The following GALNT7 variants were observed in gnomAD, a reference collection of about 807,000 sequenced individuals.
The protein encoded by GALNT7 is polypeptide N-acetylgalactosaminyltransferase 7.
A neutral mutation model predicts 82.1 loss-of-function variants in GALNT7; 60 were observed. The observed-to-expected ratio is 0.73, with a 90% CI of 0.59 to 0.91. The LOEUF is 0.91. Ranked by LOEUF, GALNT7 falls within the 40% of genes least tolerant of loss-of-function variation. GALNT7 has a pLI of 0.00. For missense variants in GALNT7, 660 were observed against 804.2 expected, an observed-to-expected ratio of 0.82 and a Z score of 2.17; for synonymous variants, 243 against 275.1, an observed-to-expected ratio of 0.88 and a Z score of 1.15.
chr4:173,226,960 A>G (rs11734195), intron 1 of GALNT7, among the ~76,000 whole-genome samples: 1 of 152,186 alleles, frequency 6.6e-6, no homozygotes, highest in Non-Finnish European at 1.5e-5. Context: ...GTTGAAACTC[A>G]GTACCCAGCA....
intron 1 of GALNT7, among the ~76,000 whole-genome samples, chr4:173,178,259 T>G (rs1383234238): frequency 6.6e-6 from 1 of 152,086 alleles, no homozygotes; most frequent in Non-Finnish European, 1.5e-5. Flanking sequence ...GAGGCAATTT[T>G]TAGTTTTTAG....
At chr4:173,231,245 G>A (rs1050171485) in intron 1 of GALNT7, among the ~76,000 whole-genome samples, 1 of 152,188 alleles carries the variant, frequency 6.6e-6, no homozygotes. Context: ...ATTGTGCAGT[G>A]TAAGAATTGG....
In GALNT7 at chr4:173,302,067, G is replaced by T; in HGVS notation, c.1169G>T (p.Gly390Val). 6.4e-7 allele frequency: 1 copy of T among 1,570,702 alleles called. No homozygotes were observed. Among genetic ancestry groups the T allele is most frequent in the South Asian group, 1.1e-5 (1 of 90,184 alleles). The change falls in exon 7 of 12, where the codon GGA becomes GTA. Residue 390 changes from glycine to valine, a missense_variant. Physicochemically the swap from Gly to Val is moderately radical, Grantham distance 109. Transcript: ENST00000265000. This position sits in a 1 kb window ranked among gnomAD's most constrained non-coding sequence, Gnocchi z 4.2. Reference sequence around the variant, plus strand: ...CTTAGGTCCCCAGCCATGGCTGGGGGATTATTTGCCATTGAACGAGAGTTC... The same window carrying T: ...CTTAGGTCCCCAGCCATGGCTGGGGTATTATTTGCCATTGAACGAGAGTTC... ...EPYRSPAMAG[G>V]LFAIEREFFF...
intron 1 of GALNT7, among the ~76,000 whole-genome samples, chr4:173,211,670 A>G (rs1418395526): frequency 6.6e-6 from 1 of 152,138 alleles, no homozygotes; most frequent in Admixed American, 6.5e-5. Flanking sequence ...GCACGTGTGC[A>G]CACACACACA....
At chr4:173,259,454 C>T (rs1168899516) in intron 2 of GALNT7, among the ~76,000 whole-genome samples, 1 of 150,726 alleles carries the variant, frequency 6.6e-6, no homozygotes, top group African/African-American at 2.4e-5. Context: ...TAACAAATAC[C>T]GGGAGTGGAG....
intron 2 of GALNT7, among the ~76,000 whole-genome samples, chr4:173,280,045 C>G (rs1187008066): frequency 6.6e-6 from 1 of 151,910 alleles, no homozygotes; most frequent in Non-Finnish European, 1.5e-5. Context: ...GTTTCCTATG[C>G]CTAAAGAATC....
At chr4:173,189,094 G>A (rs1732543732) in intron 1 of GALNT7, among the ~76,000 whole-genome samples, 1 of 152,186 alleles carries the variant, frequency 6.6e-6, no homozygotes, top group South Asian at 2.1e-4. Context: ...AGGTGCTCAT[G>A]TGATCATCTT....
intron 2 of GALNT7, among the ~76,000 whole-genome samples, chr4:173,284,049 CAA>C (rs1359711499): frequency 6.6e-6 from 1 of 152,180 alleles, no homozygotes; most frequent in East Asian, 1.9e-4. Context: ...AAAAACAAAA[CAA>C]GAATTAGCAG....
intron 1 of GALNT7, among the ~76,000 whole-genome samples, chr4:173,218,451 A>G (rs1733539147): frequency 7.9e-6 from 1 of 125,962 alleles, no homozygotes; most frequent in Non-Finnish European, 1.8e-5. Context: ...CTTACCTAAA[A>G]TTCTCCCTCA....
intron 1 of GALNT7, among the ~76,000 whole-genome samples, chr4:173,183,895 G>C (rs1293638324): frequency 3.3e-5 from 5 of 151,000 alleles, no homozygotes; most frequent in Admixed American, 1.3e-4. Flanking sequence ...GGCGGCTGCC[G>C]GGTGGAGGGG....
chr4:173,279,455 G>T (rs1014976804), intron 2 of GALNT7, among the ~76,000 whole-genome samples: 9 of 152,110 alleles, frequency 5.9e-5, no homozygotes, highest in Admixed American at 2.0e-4. Context: ...TGAGATTTGT[G>T]GGGGGCAAAC....
Position 173,188,970 on chromosome 4 carries a change from C to G in GALNT7, c.126+20009C>G, listed in dbSNP as rs78257506. On this transcript the variant is annotated intron_variant, in intron 1 of 11. Transcript: ENST00000265000. ...GAGTAGCCCCTGGCCTTACTGCCCT[C>G]GAGGGAGAGGTTAAAGTGTTCCAGT... 3.3e-3 allele frequency among the ~76,000 whole-genome samples: 502 copies of G among 152,276 alleles called. 1 individual carries two copies. The highest frequency in any genetic ancestry group is 0.012 in the African/African-American group (482 of 41,544).
At chr4:173,247,846 T>G (rs756312286) in intron 1 of GALNT7, 134 bp from the exon 2 acceptor site, 6 of 599,894 alleles carry the variant, frequency 1.0e-5, no homozygotes, top group Non-Finnish European at 1.8e-5. Flanking sequence ...AAGTCCTGAT[T>G]AATGGCCCGC....
chr4:173,260,475 CATTA>C (rs1735220137), intron 2 of GALNT7, among the ~76,000 whole-genome samples: 1 of 152,156 alleles, frequency 6.6e-6, no homozygotes, highest in Non-Finnish European at 1.5e-5. Context: ...GAAGTATAAT[CATTA>C]ATTTTGTCAA....
At chr4:173,252,482 T>C (rs1278045398) in intron 2 of GALNT7, among the ~76,000 whole-genome samples, 1 of 152,228 alleles carries the variant, frequency 6.6e-6, no homozygotes, top group Non-Finnish European at 1.5e-5. Context: ...GAATGTTCTC[T>C]TCCCTAGAAG....
chr4:173,310,232 T>C (rs1440992990), intron 8 of GALNT7, among the ~76,000 whole-genome samples: 1 of 152,220 alleles, frequency 6.6e-6, no homozygotes, highest in African/African-American at 2.4e-5. Context: ...AACTGACCTT[T>C]AACTTTTCCT....
chr4:173,286,476 T>A (rs951936657), intron 2 of GALNT7, among the ~76,000 whole-genome samples: 2 of 152,228 alleles, frequency 1.3e-5, no homozygotes, highest in African/African-American at 4.8e-5. Context: ...TTGTAACTGC[T>A]TAGAGGCAGG....
intron 5 of GALNT7, chr4:173,297,708 TC>T (rs1447110690): frequency 6.9e-6 from 4 of 581,872 alleles, no homozygotes; most frequent in Non-Finnish European, 1.1e-5. Flanking sequence ...CACAAACAAA[TC>T]AACAACAAAA....
chr4:173,219,568 A>G (rs1164192609), intron 1 of GALNT7, among the ~76,000 whole-genome samples: 1 of 152,194 alleles, frequency 6.6e-6, no homozygotes, highest in African/African-American at 2.4e-5. Flanking sequence ...GAATCTCCAC[A>G]CTGTTTTCCA....
Sources: allele counts gnomAD v4.1 joint callset (sites outside exome capture counted in the v4.1 genomes callset), GRCh38; gene constraint gnomAD v4.1.1; non-coding constraint Gnocchi (gnomAD v3.1); transcripts MANE v1.5; gene names NCBI Gene and HGNC (gene_info 2026-07-23, HGNC 2026-07-21).